The following TPD52L1 variants were observed in gnomAD, a reference collection of about 807,000 sequenced individuals.
TPD52L1 encodes the protein tumor protein D53.
A neutral mutation model predicts 28.7 loss-of-function variants in TPD52L1; 18 were observed. That is an observed-to-expected ratio of 0.63 (90% CI 0.43 to 0.93). TPD52L1 has a LOEUF of 0.93. Among genes scored for constraint, TPD52L1 ranks in the 40% least tolerant of loss-of-function variants. The pLI, the probability that TPD52L1 is intolerant of heterozygous loss-of-function variation, is 0.00. For synonymous variants in TPD52L1, 75 were observed against 88.8 expected, an observed-to-expected ratio of 0.84 and a Z score of 0.88; for missense variants, 203 against 254.8, an observed-to-expected ratio of 0.80 and a Z score of 1.39.
intron 4 of TPD52L1, 130 bp from the exon 5 acceptor site, chr6:125,253,587 T>C: frequency 1.2e-6 from 1 of 815,370 alleles, no homozygotes; most frequent in Non-Finnish European, 2.0e-6. Flanking sequence ...TCATCTTGGT[T>C]AGATGGGCAG....
chr6:125,163,241 G>A (rs1582832319), intron 1 of TPD52L1, among the ~76,000 whole-genome samples: 1 of 152,152 alleles, frequency 6.6e-6, no homozygotes, highest in East Asian at 1.9e-4. Context: ...GGTGATAATA[G>A]CAATAACATT....
In TPD52L1 at chr6:125,243,611, A is replaced by G. The variant is rs1193505787; in HGVS notation, c.285-4671A>G. Among the ~76,000 whole-genome samples, 4 of 151,080 alleles carry G rather than the reference A, an allele frequency of 2.6e-5. No individual in the cohort carries two copies. The East Asian group carries it at 7.8e-4, about 29-fold the overall frequency. Reference sequence around the variant, plus strand: ...GTTGAAACTTTCCACTGCATTTTTTATTTTCCTAAGCAAGTCTTTCATTTC... The same window carrying G: ...GTTGAAACTTTCCACTGCATTTTTTGTTTTCCTAAGCAAGTCTTTCATTTC... On this transcript the variant is annotated intron_variant, in intron 3 of 6. Transcript: ENST00000534000.
chr6:125,170,379 T>A (rs1198154536), intron 1 of TPD52L1, among the ~76,000 whole-genome samples: 1 of 150,676 alleles, frequency 6.6e-6, no homozygotes, highest in African/African-American at 2.4e-5. Flanking sequence ...TAGGGGCTAT[T>A]ATGTAGCCTA....
chr6:125,214,050 G>T (rs1202934658), intron 1 of TPD52L1, among the ~76,000 whole-genome samples: 1 of 152,154 alleles, frequency 6.6e-6, no homozygotes, highest in African/African-American at 2.4e-5. Flanking sequence ...GCTGTAGAAG[G>T]GAGCTACCTA....
chr6:125,257,820 C>A (rs1034606285), intron 6 of TPD52L1, among the ~76,000 whole-genome samples: 1 of 152,108 alleles, frequency 6.6e-6, no homozygotes, highest in South Asian at 2.1e-4. Flanking sequence ...TCAGTCTAGT[C>A]TTAAAATTGA....
chr6:125,167,317 G>A (rs544488291), intron 1 of TPD52L1, among the ~76,000 whole-genome samples: 4 of 152,134 alleles, frequency 2.6e-5, no homozygotes, highest in East Asian at 1.9e-4. Flanking sequence ...GGTGGAAAAC[G>A]CTGATTCCTT....
intron 1 of TPD52L1, among the ~76,000 whole-genome samples, chr6:125,181,649 G>C (rs1315971224): frequency 6.6e-6 from 1 of 152,206 alleles, no homozygotes; most frequent in Non-Finnish European, 1.5e-5. Flanking sequence ...TCTTCCTTGT[G>C]CTAGGCCATG....
intron 1 of TPD52L1, among the ~76,000 whole-genome samples, chr6:125,212,508 C>G (rs1000573841): frequency 2.6e-5 from 4 of 152,208 alleles, no homozygotes; most frequent in African/African-American, 9.6e-5. Context: ...GGAGAGCTTG[C>G]CAGCATGCGC....
chr6:125,231,428 G>C (rs958399319), intron 3 of TPD52L1, among the ~76,000 whole-genome samples: 5 of 152,154 alleles, frequency 3.3e-5, no homozygotes, highest in Non-Finnish European at 5.9e-5. Context: ...TTCAAGGAAG[G>C]CTTCTAGCCT....
intron 2 of TPD52L1, chr6:125,222,044 C>T (rs548014021): frequency 1.3e-5 from 2 of 152,368 alleles, no homozygotes; most frequent in East Asian, 3.9e-4. Context: ...TCTCTTTCTC[C>T]TCCTCCACGT....
intron 1 of TPD52L1, among the ~76,000 whole-genome samples, chr6:125,207,673 T>A (rs1312943157): frequency 1.3e-5 from 2 of 152,244 alleles, no homozygotes; most frequent in Non-Finnish European, 1.5e-5. Context: ...TGCAAACCCA[T>A]TGCTTGTGCA....
At chr6:125,249,463 G>A (rs188481339) in intron 4 of TPD52L1, among the ~76,000 whole-genome samples, 1 of 151,712 alleles carries the variant, frequency 6.6e-6, no homozygotes, top group South Asian at 2.1e-4. Context: ...TGGATCCCTT[G>A]AGGTCAGGAG....
chr6:125,154,069 G>A (rs113743647), intron 1 of TPD52L1, 99 bp downstream of exon 1: 4 of 1,482,994 alleles, frequency 2.7e-6, no homozygotes, highest in African/African-American at 2.8e-5. Context: ...GAACAGATTG[G>A]TGCCGTGTTG....
chr6:125,161,060 C>A (rs1406516097), intron 1 of TPD52L1, among the ~76,000 whole-genome samples: 4 of 152,094 alleles, frequency 2.6e-5, no homozygotes, highest in Non-Finnish European at 4.4e-5. Context: ...ACCATGTTGT[C>A]CAGGCTGGTC....
chr6:125,252,039 A>G lies in TPD52L1; in HGVS notation c.387-1678A>G, dbSNP rs1303857994. 4.6e-6 allele frequency: 7 copies of G among 1,536,062 alleles called. No individual in the cohort carries two copies. The East Asian group carries it at 1.7e-4, about 38-fold the overall frequency. On this transcript the variant is annotated intron_variant, in intron 4 of 6. Transcript: ENST00000534000. ...GGCTGCAGGTCTCACTCCATCGGGT[A>G]AGCGCCACAGGGCTGCGTGTGGGGC...
At chr6:125,251,908 C>A in intron 4 of TPD52L1, 1 of 1,023,104 alleles carries the variant, frequency 9.8e-7, no homozygotes, top group Non-Finnish European at 1.5e-6. Context: ...TGAAGCTACC[C>A]TGTCTGTGCT....
intron 1 of TPD52L1, among the ~76,000 whole-genome samples, chr6:125,167,270 A>G (rs1790976651): frequency 6.6e-6 from 1 of 152,052 alleles, no homozygotes; most frequent in South Asian, 2.1e-4. Context: ...AACAAAAAAC[A>G]AAAAAACACC....
chr6:125,173,649 A>AAT (rs915837506), intron 1 of TPD52L1, among the ~76,000 whole-genome samples: 7 of 151,966 alleles, frequency 4.6e-5, no homozygotes, highest in Admixed American at 6.6e-5. Flanking sequence ...ATGCTTTTTA[A>AAT]ATATATATAT....
At chr6:125,161,823 G>T (rs550225304) in intron 1 of TPD52L1, among the ~76,000 whole-genome samples, 10 of 152,170 alleles carry the variant, frequency 6.6e-5, no homozygotes, top group Non-Finnish European at 1.2e-4. Context: ...TTGAAATATT[G>T]TGAGAGTTAC....
Sources: allele counts gnomAD v4.1 joint callset (sites outside exome capture counted in the v4.1 genomes callset), GRCh38; gene constraint gnomAD v4.1.1; transcripts MANE v1.5; gene names NCBI Gene and HGNC (gene_info 2026-07-23, HGNC 2026-07-21).